IFT88: variants seen among roughly 807,000 people sequenced by gnomAD.
IFT88 encodes intraflagellar transport protein 88 homolog.
In IFT88, 74 loss-of-function variants were observed where a neutral mutation model predicts 119.5. The ratio of observed to expected loss-of-function variants is 0.62; its 90% CI spans 0.51 to 0.75. IFT88 has a LOEUF of 0.75. Among genes scored for constraint, IFT88 ranks in the 30% least tolerant of loss-of-function variants. The pLI is 0.00. For synonymous variants in IFT88, 279 were observed against 316.7 expected, an observed-to-expected ratio of 0.88 and a Z score of 1.26; for missense variants, 961 against 977.7, an observed-to-expected ratio of 0.98 and a Z score of 0.23.
rs375164063 is a variant in IFT88 at position 20,636,816 on chromosome 13, A to G, written c.1387-1516A>G. 1.3e-4 allele frequency among the ~76,000 whole-genome samples: 20 copies of G among 152,362 alleles called. 1 individual carries two copies. In the East Asian group the frequency reaches 2.1e-3, roughly 16 times the overall value. ...TTGTCGGTACCAATTTTTGTTTCAG[A>G]GTTCACATAAAAACTTGCACATGAA... On this transcript the variant is annotated intron_variant, in intron 16 of 25. Transcript: ENST00000351808.
chr13:20,687,596 A>G (rs2058066513), intron 24 of IFT88, among the ~76,000 whole-genome samples: 1 of 152,230 alleles, frequency 6.6e-6, no homozygotes, highest in African/African-American at 2.4e-5. Context: ...AGCCTTTTAA[A>G]TGACATTTTT....
rs189896698 is a variant in IFT88, at chr13:20,690,514, T to C, written c.2243-191T>C. ...CAGACTACTCTTAAGTGATGTTTTA[T>C]CTATATTATAGATTCCCACAAGATA... is the stretch of plus-strand genomic sequence containing the variant. On this transcript the variant is annotated intron_variant, in intron 24 of 25. Coordinates refer to ENST00000351808, the MANE Select transcript of IFT88 (RefSeq NM_006531.5). Among the ~76,000 whole-genome samples, 69 of 152,378 alleles carry C rather than the reference T, an allele frequency of 4.5e-4. 1 individual carries two copies. The highest frequency in any genetic ancestry group is 1.6e-3 in the African/African-American group (68 of 41,590).
At chr13:20,644,622 T>C (rs2140352418) in intron 19 of IFT88, among the ~76,000 whole-genome samples, 1 of 152,266 alleles carries the variant, frequency 6.6e-6, no homozygotes, top group East Asian at 1.9e-4. Context: ...GCTCATATAT[T>C]GTTATATCAA....
chr13:20,576,027 ATT>A (rs958770640), intron 2 of IFT88, among the ~76,000 whole-genome samples: 1 of 152,180 alleles, frequency 6.6e-6, no homozygotes, highest in African/African-American at 2.4e-5. Flanking sequence ...TCTCACCACC[ATT>A]TGTTATTACC....
intron 16 of IFT88, among the ~76,000 whole-genome samples, chr13:20,636,313 A>G (rs2049014368): frequency 6.6e-6 from 1 of 152,212 alleles, no homozygotes; most frequent in Non-Finnish European, 1.5e-5. Flanking sequence ...ACCTGCCACC[A>G]TCTGAGAATC....
intron 14 of IFT88, among the ~76,000 whole-genome samples, chr13:20,620,717 C>T (rs1356243810): frequency 6.6e-6 from 1 of 152,070 alleles, no homozygotes; most frequent in African/African-American, 2.4e-5. Context: ...AGGCGCCTGC[C>T]ACCACGCCTG....
chr13:20,597,636 T>C lies in IFT88; in HGVS notation c.594+517T>C, dbSNP rs867107338. Reference sequence around the variant, plus strand: ...GCGGGCGCCTGTAGTCCCAGCTACTTGGGAGGCTGGAGCAGGAGAATGGCG... The same window carrying C: ...GCGGGCGCCTGTAGTCCCAGCTACTCGGGAGGCTGGAGCAGGAGAATGGCG... On this transcript the variant is annotated intron_variant, in intron 9 of 25. Transcript: ENST00000351808. Among the ~76,000 whole-genome samples the C allele has an allele frequency of 9.9e-4, 150 of 151,456 alleles. 1 individual carries two copies. The highest frequency in any genetic ancestry group is 7.1e-3 in the South Asian group (34 of 4,792).
chr13:20,589,596 CCT>C (rs2040315597), intron 3 of IFT88, among the ~76,000 whole-genome samples: 1 of 152,072 alleles, frequency 6.6e-6, no homozygotes, highest in Non-Finnish European at 1.5e-5. Context: ...TCAAAAGTCC[CCT>C]TTCTCCTTTA....
intron 15 of IFT88, among the ~76,000 whole-genome samples, chr13:20,630,720 A>C (rs577203714): frequency 8.7e-4 from 133 of 152,220 alleles, no homozygotes; most frequent in African/African-American, 2.4e-3. Context: ...ATTATTTACT[A>C]CTGACCTTTC....
At chr13:20,575,471 C>T (rs993536954) in intron 2 of IFT88, among the ~76,000 whole-genome samples, 10 of 152,134 alleles carry the variant, frequency 6.6e-5, no homozygotes, top group Non-Finnish European at 1.3e-4. Flanking sequence ...TTTATCCCCA[C>T]GCACATCTCA....
intron 6 of IFT88, 100 bp downstream of exon 6, chr13:20,591,781 A>G (rs1566104109): frequency 1.2e-5 from 9 of 765,574 alleles, no homozygotes; most frequent in Middle Eastern, 2.9e-4. Context: ...AAATCTAACA[A>G]TGCCATTGAT....
At chr13:20,666,624 CTT>C (rs2054734898) in intron 23 of IFT88, among the ~76,000 whole-genome samples, 1 of 152,198 alleles carries the variant, frequency 6.6e-6, no homozygotes, top group Non-Finnish European at 1.5e-5. Context: ...AATTTGTTCA[CTT>C]ATTTTATTTG....
At chr13:20,596,498 G>A (rs543895417) in intron 8 of IFT88, among the ~76,000 whole-genome samples, 1 of 152,194 alleles carries the variant, frequency 6.6e-6, no homozygotes, top group Non-Finnish European at 1.5e-5. Context: ...TACTTAACTT[G>A]GCAGCCTGGT....
At chr13:20,658,371 A>G (rs1388261304) in intron 22 of IFT88, among the ~76,000 whole-genome samples, 1 of 152,150 alleles carries the variant, frequency 6.6e-6, no homozygotes, top group African/African-American at 2.4e-5. Context: ...GTGAGCCACC[A>G]TGCCCGGCCT....
At chr13:20,667,948 A>G (rs746371792) in intron 23 of IFT88, among the ~76,000 whole-genome samples, 7 of 152,132 alleles carry the variant, frequency 4.6e-5, no homozygotes, top group Non-Finnish European at 8.8e-5. Context: ...TTCCATTCAC[A>G]CAGCTAAAAC....
At chr13:20,665,664 T>C (rs1249175932) in intron 23 of IFT88, among the ~76,000 whole-genome samples, 1 of 152,262 alleles carries the variant, frequency 6.6e-6, no homozygotes, top group African/African-American at 2.4e-5. Flanking sequence ...TCAGATACTC[T>C]CATGCATTGC....
At chr13:20,679,188 A>G (rs2057041578) in intron 24 of IFT88, among the ~76,000 whole-genome samples, 1 of 152,176 alleles carries the variant, frequency 6.6e-6, no homozygotes, top group South Asian at 2.1e-4. Flanking sequence ...TGCATTCTGT[A>G]TTTTAGACTA....
At chr13:20,626,109 A>G (rs1237321846) in intron 15 of IFT88, among the ~76,000 whole-genome samples, 3 of 77,200 alleles carry the variant, frequency 3.9e-5, no homozygotes. Context: ...TGCCTAGGCT[A>G]GAGTGCAGTG....
At chr13:20,585,907 G>C (rs948479201) in intron 3 of IFT88, among the ~76,000 whole-genome samples, 4 of 152,186 alleles carry the variant, frequency 2.6e-5, no homozygotes, top group African/African-American at 9.7e-5. Flanking sequence ...CCTTGCACTA[G>C]GCTAGTGATT....
Sources: gnomAD v4.1 joint callset for allele counts (sites outside exome capture counted in the v4.1 genomes callset) on GRCh38, gnomAD v4.1.1 for gene constraint, MANE v1.5 for transcripts, NCBI Gene and HGNC (gene_info 2026-07-23, HGNC 2026-07-21) for gene names.